LRRC20: variants seen among roughly 807,000 people sequenced by gnomAD.
LRRC20 encodes leucine rich repeat containing 20.
LRRC20 carries 11 observed loss-of-function variants against 14.4 expected under a neutral mutation model. The ratio of observed to expected loss-of-function variants is 0.77; its 90% confidence interval spans 0.48 to 1.27. The LOEUF (loss-of-function observed/expected upper bound fraction) is 1.27, where lower values mean the gene tolerates loss of function less well. LRRC20 is among the 50% of genes most tolerant of loss of function. The pLI is 0.00. For missense variants in LRRC20, 219 were observed against 251.2 expected (o/e 0.87, Z 0.87); for synonymous variants, 121 against 107.3 (o/e 1.13, Z -0.79).
Position 70,323,763 on chromosome 10 carries a change from C to T in LRRC20, c.400+100G>A, listed in dbSNP as rs1049798580. 3.7e-6 allele frequency: 5 copies of T among 1,358,512 alleles called. No homozygotes were observed. The Admixed American group carries it at 9.9e-5, about 27-fold the overall frequency. The allele number at this position is 1,358,512 out of a possible 1,614,324, so 84.2% of individuals were successfully genotyped here. A position where few individuals can be genotyped will look rare whatever the true frequency, so the allele number is the denominator to read the frequency against. On this transcript the variant is annotated intron_variant, in intron 4 of 4. Coordinates refer to ENST00000446961, the MANE Select transcript of LRRC20 (RefSeq NM_001278212.2). ...TGCTCAGGCATCTCAGACAGAAAGC[C>T]CAAGCTTCTCCTCCCACCTGTGAAG...
At chr10:70,375,766 C>A (rs79194771) in intron 2 of LRRC20, among the ~76,000 whole-genome samples, 1 of 8,660 alleles carries the variant, frequency 1.2e-4, no homozygotes, top group Non-Finnish European at 0.017. Context: ...GGCACATGCA[C>A]GCACACACAG....
At chr10:70,381,482 T>C (rs1166435967) in intron 1 of LRRC20, 1 of 152,212 alleles carries the variant, frequency 6.6e-6, no homozygotes, top group African/African-American at 2.4e-5. Context: ...CTCCAGCCCT[T>C]ACCATCAATA....
intron 2 of LRRC20, among the ~76,000 whole-genome samples, chr10:70,371,162 T>C (rs1289104053): frequency 2.6e-5 from 4 of 152,048 alleles, no homozygotes; most frequent in Admixed American, 1.3e-4. Flanking sequence ...ATTTTTTAAA[T>C]AGAACTTTTT....
chr10:70,311,563 T>C (rs530572368), intron 4 of LRRC20, among the ~76,000 whole-genome samples: 1 of 152,302 alleles, frequency 6.6e-6, no homozygotes, highest in Admixed American at 6.5e-5. Flanking sequence ...GCTTTGAGTC[T>C]ACAGGGCATT....
intron 4 of LRRC20, among the ~76,000 whole-genome samples, chr10:70,316,391 C>T (rs763574696): frequency 1.3e-5 from 2 of 152,224 alleles, no homozygotes; most frequent in Non-Finnish European, 2.9e-5. Flanking sequence ...CCTCAGCATA[C>T]CAAAGTCCTG....
intron 1 of LRRC20, 56 bp from the exon 2 acceptor site, chr10:70,376,652 G>A (rs1844521194): frequency 1.2e-5 from 11 of 906,216 alleles, no homozygotes; most frequent in Non-Finnish European, 1.9e-5. Flanking sequence ...GCCCACCCAG[G>A]CATCCCCCTC....
At chr10:70,320,316 TA>T (rs1330818225) in intron 4 of LRRC20, among the ~76,000 whole-genome samples, 2 of 150,954 alleles carry the variant, frequency 1.3e-5, no homozygotes, top group African/African-American at 4.9e-5. Flanking sequence ...GATAGATAGA[TA>T]GATAGATAGA....
chr10:70,308,006 G>A (rs1841489808), intron 4 of LRRC20, among the ~76,000 whole-genome samples: 1 of 152,226 alleles, frequency 6.6e-6, no homozygotes, highest in South Asian at 2.1e-4. Flanking sequence ...TTGGCCAGCA[G>A]AGTCTCAGCC....
chr10:70,363,107 T>TAAA (rs766926111), intron 2 of LRRC20, among the ~76,000 whole-genome samples: 13 of 32,156 alleles, frequency 4.0e-4, no homozygotes, highest in East Asian at 1.1e-3. Context: ...TTATCTCTAT[T>TAAA]AAAAAAAAAA....
chr10:70,366,746 C>T (rs1432792760), intron 2 of LRRC20, among the ~76,000 whole-genome samples: 1 of 151,962 alleles, frequency 6.6e-6, no homozygotes, highest in Non-Finnish European at 1.5e-5. Context: ...CAACCAAACA[C>T]AGAAAATATT....
chr10:70,350,264 G>C (rs1324926372), intron 2 of LRRC20, among the ~76,000 whole-genome samples: 1 of 152,222 alleles, frequency 6.6e-6, no homozygotes, highest in Non-Finnish European at 1.5e-5. Flanking sequence ...CTGGGCTGCA[G>C]CAGGGAACAG....
chr10:70,360,715 T>C (rs1250332893), intron 2 of LRRC20, among the ~76,000 whole-genome samples: 2 of 152,112 alleles, frequency 1.3e-5, no homozygotes, highest in African/African-American at 4.8e-5. Context: ...AGTGCGAGGA[T>C]TACAGGTGTG....
intron 3 of LRRC20, among the ~76,000 whole-genome samples, chr10:70,333,876 G>A (rs1229154877): frequency 1.3e-5 from 2 of 152,220 alleles, no homozygotes; most frequent in South Asian, 2.1e-4. Context: ...CTGGCCGGGT[G>A]CTGTGGCTCA....
intron 4 of LRRC20, among the ~76,000 whole-genome samples, chr10:70,301,887 T>C (rs1035333904): frequency 6.6e-6 from 1 of 152,188 alleles, no homozygotes; most frequent in African/African-American, 2.4e-5. Context: ...CACCAATAGA[T>C]GAATGGATAA....
chr10:70,320,039 G>A (rs1393271368), intron 4 of LRRC20, among the ~76,000 whole-genome samples: 1 of 152,152 alleles, frequency 6.6e-6, no homozygotes, highest in Non-Finnish European at 1.5e-5. Context: ...CAGGGGATTT[G>A]GCCACAGGCA....
Position 70,299,936 on chromosome 10 carries a change from G to A in LRRC20, c.*1418C>T, listed in dbSNP as rs1379947167. 1 of 152,310 alleles carries A rather than the reference G, an allele frequency of 6.6e-6. No individual in the cohort carries two copies. Among genetic ancestry groups the A allele is most frequent in the East Asian group, 1.9e-4 (1 of 5,198 alleles). 9.4% of individuals were successfully genotyped at this position (152,310 alleles called of 1,614,324 possible). On this transcript the variant is annotated 3_prime_UTR_variant, in exon 5 of 5. Transcript: ENST00000446961. Reference sequence around the variant, plus strand: ...ACCTGGGCAGGGACGAGGGAACTGGGAGCATTCTGAGCAGGGATTACTGCT... The same window carrying A: ...ACCTGGGCAGGGACGAGGGAACTGGAAGCATTCTGAGCAGGGATTACTGCT...
intron 3 of LRRC20, 108 bp downstream of exon 3, chr10:70,340,444 TG>T: frequency 7.7e-7 from 1 of 1,302,538 alleles, no homozygotes; most frequent in Non-Finnish European, 1.1e-6. Flanking sequence ...AATGATTTCA[TG>T]GGTGTCGCTG....
intron 4 of LRRC20, among the ~76,000 whole-genome samples, chr10:70,308,917 C>A (rs1264011974): frequency 6.6e-6 from 1 of 152,182 alleles, no homozygotes; most frequent in Non-Finnish European, 1.5e-5. Flanking sequence ...CTCGCTCGTC[C>A]CAGCCTCTTG....
intron 3 of LRRC20, among the ~76,000 whole-genome samples, chr10:70,339,603 G>A (rs114724008): frequency 0.016 from 2,462 of 152,244 alleles, 88 homozygotes; most frequent in African/African-American, 0.057. Flanking sequence ...AGGCGCCCAT[G>A]CCACAGCTCT....
Sources: gnomAD v4.1 joint callset for allele counts (sites outside exome capture counted in the v4.1 genomes callset) on GRCh38, gnomAD v4.1.1 for gene constraint, MANE v1.5 for transcripts, NCBI Gene and HGNC (gene_info 2026-07-23, HGNC 2026-07-21) for gene names.